Variants in EFR3B observed in about 807,000 individuals in gnomAD.
EFR3B encodes EFR3 homolog B, also known as protein EFR3 homolog B.
EFR3B carries 64 observed loss-of-function variants against 104.7 expected under a neutral mutation model. The ratio of observed to expected loss-of-function variants is 0.61; its 90% CI spans 0.50 to 0.75. The LOEUF is 0.75. Among genes scored for constraint, EFR3B ranks in the 30% least tolerant of loss-of-function variants. EFR3B has a pLI of 0.00. For missense variants in EFR3B, 750 were observed against 1,078.5 expected (o/e 0.70, Z 4.27); for synonymous variants, 385 against 417.9 (o/e 0.92, Z 0.96).
At position 25,152,012 on chromosome 2, in the gene EFR3B, G is replaced by A. The variant is rs1671024106; in HGVS notation, c.2290G>A (p.Gly764Arg). 3.2e-6 allele frequency: 5 copies of A among 1,551,622 alleles called. No homozygotes were observed. Among genetic ancestry groups the A allele is most frequent in the Admixed American group, 2.0e-5 (1 of 51,004 alleles). ...CTTCGAGGAGATTGCTGCACACTGC[G>A]GGGCCCGGGTAAGTGAAGCATGACA... ...APFEEIAAHC[G>R]ARASLLQSKL... The change falls in exon 21 of 23, where the codon GGG becomes AGG. Residue 764 changes from glycine to arginine, a missense_variant. Physicochemically the swap from Gly to Arg is moderately radical, Grantham distance 125. Transcript: ENST00000403714.
chr2:25,142,540 C>G (rs1462989914), intron 17 of EFR3B, among the ~76,000 whole-genome samples: 1 of 151,384 alleles, frequency 6.6e-6, no homozygotes, highest in African/African-American at 2.4e-5. Flanking sequence ...GGGCAGATCA[C>G]TTGAGATCAG....
At position 25,081,648 on chromosome 2, in the gene EFR3B, A is replaced by G. The variant is rs1668810425; in HGVS notation, c.8-9677A>G. ...TCCAGAGAAGGTGGCCCCGAAGGGT[A>G]GCTGCGGCCAACAGCTGGCTGTAGA... On this transcript the variant is annotated intron_variant, in intron 1 of 22. Coordinates refer to ENST00000403714, the MANE Select transcript of EFR3B (RefSeq NM_014971.2). The G allele has an allele frequency of 4.7e-6, 3 of 631,624 alleles. No individual in the cohort carries two copies. The Admixed American group carries it at 8.0e-5, about 17-fold the overall frequency. The allele number at this position is 631,624 out of a possible 1,614,324, so 39.1% of individuals were successfully genotyped here. A position where few individuals can be genotyped will look rare whatever the true frequency, so the allele number is the denominator to read the frequency against.
chr2:25,129,900 C>G, intron 6 of EFR3B, 75 bp from the exon 7 acceptor site: 1 of 1,506,466 alleles, frequency 6.6e-7, no homozygotes, highest in Non-Finnish European at 8.9e-7. Context: ...GGATGAAACA[C>G]GGAAAGCCGG....
intron 16 of EFR3B, among the ~76,000 whole-genome samples, chr2:25,140,552 C>T (rs1415997396): frequency 1.3e-5 from 2 of 152,116 alleles, no homozygotes; most frequent in African/African-American, 4.8e-5. Flanking sequence ...TCGACACACA[C>T]CTGTATGTTG....
intron 1 of EFR3B, among the ~76,000 whole-genome samples, chr2:25,078,053 C>T (rs1285319654): frequency 6.6e-6 from 1 of 152,186 alleles, no homozygotes; most frequent in Non-Finnish European, 1.5e-5. Flanking sequence ...ACTCCTTAGT[C>T]TCATTGTGAC....
chr2:25,123,728 C>T (rs1361131457), intron 5 of EFR3B, among the ~76,000 whole-genome samples: 2 of 152,242 alleles, frequency 1.3e-5, no homozygotes, highest in Admixed American at 6.5e-5. Flanking sequence ...ATGCTGCCCA[C>T]GCAGGCCCTG....
Position 25,131,660 on chromosome 2 carries a change from G to A in EFR3B, c.986-90G>A. The A allele has an allele frequency of 6.7e-7, 1 of 1,485,696 alleles. No individual in the cohort carries two copies. Among genetic ancestry groups the A allele is most frequent in the South Asian group, 1.4e-5 (1 of 73,666 alleles). The allele number at this position is 1,485,696 out of a possible 1,614,324, so 92.0% of individuals were successfully genotyped here. A position where few individuals can be genotyped will look rare whatever the true frequency, so the allele number is the denominator to read the frequency against. Reference sequence around the variant, plus strand: ...AGCGCAGAGGAAGCCCAGGCTGGAAGGGGGCGTGACCCTGCCCTGCCTGCG... The same window carrying A: ...AGCGCAGAGGAAGCCCAGGCTGGAAAGGGGCGTGACCCTGCCCTGCCTGCG... On this transcript the variant is annotated intron_variant, in intron 9 of 22. Coordinates refer to ENST00000403714, the MANE Select transcript of EFR3B (RefSeq NM_014971.2). This position sits in a 1 kb window ranked among gnomAD's most constrained non-coding sequence, Gnocchi z 7.6.
intron 1 of EFR3B, among the ~76,000 whole-genome samples, chr2:25,076,832 T>G (rs1271835834): frequency 6.6e-6 from 1 of 152,170 alleles, no homozygotes; most frequent in Non-Finnish European, 1.5e-5. Flanking sequence ...TCTCGGAAGC[T>G]CTAGAGCTCC....
At position 25,131,232 on chromosome 2, in the gene EFR3B, T is replaced by G. The variant is rs893881645; in HGVS notation, c.850-136T>G. 2.6e-6 allele frequency: 3 copies of G among 1,175,192 alleles called. No individual in the cohort carries two copies. In the African/African-American group the frequency reaches 4.6e-5, roughly 18 times the overall value. The allele number at this position is 1,175,192 out of a possible 1,614,324, so 72.8% of individuals were successfully genotyped here. ...AGGATCCAGTAAAGGGCACGAGGTG[T>G]CAGTGCCAACTGCAGTGCCCGGGGC... On this transcript the variant is annotated intron_variant, in intron 8 of 22. Transcript: ENST00000403714. The surrounding 1 kb of genome is among the most constrained non-coding windows in gnomAD (Gnocchi z 7.6).
At chr2:25,080,109 T>TGCC (rs768753846) in intron 1 of EFR3B, 13 of 999,390 alleles carry the variant, frequency 1.3e-5, no homozygotes, top group Non-Finnish European at 1.9e-5. Flanking sequence ...CATCTTTTAC[T>TGCC]GCCGTGACTA....
At chr2:25,145,169 G>T (rs72807689) in intron 19 of EFR3B, 118 bp downstream of exon 19, 39 of 882,766 alleles carry the variant, frequency 4.4e-5, no homozygotes, top group Admixed American at 6.3e-5. Flanking sequence ...AGTTTCTCGA[G>T]TAATTCCACA....
At chr2:25,126,611 C>T (rs746889298) in intron 5 of EFR3B, among the ~76,000 whole-genome samples, 24 of 152,036 alleles carry the variant, frequency 1.6e-4, no homozygotes, top group Non-Finnish European at 1.6e-4. Flanking sequence ...CCACCCACCT[C>T]GGCCTCCCAA....
intron 1 of EFR3B, among the ~76,000 whole-genome samples, chr2:25,088,418 C>G (rs1232315456): frequency 6.6e-6 from 1 of 152,082 alleles, no homozygotes; most frequent in African/African-American, 2.4e-5. Flanking sequence ...CTGTGATTCT[C>G]AACTCTTAGG....
chr2:25,067,949 G>A (rs1668383254), intron 1 of EFR3B, among the ~76,000 whole-genome samples: 1 of 152,178 alleles, frequency 6.6e-6, no homozygotes, highest in South Asian at 2.1e-4. Context: ...CAAAGTGCTG[G>A]GATTACAGGT....
At chr2:25,099,432 C>T (rs1055366864) in intron 3 of EFR3B, among the ~76,000 whole-genome samples, 1 of 151,880 alleles carries the variant, frequency 6.6e-6, no homozygotes, top group African/African-American at 2.4e-5. Flanking sequence ...ATAGAGCACA[C>T]CTTGATCCAT....
intron 1 of EFR3B, among the ~76,000 whole-genome samples, chr2:25,049,774 G>A (rs374490107): frequency 2.0e-5 from 3 of 151,960 alleles, no homozygotes; most frequent in Admixed American, 6.6e-5. Context: ...AGAGTCAGGG[G>A]GAGCTGCCTG....
Position 25,094,146 on chromosome 2 carries a change from G to A in EFR3B, c.212+1016G>A, listed in dbSNP as rs113877647. Among the ~76,000 whole-genome samples the A allele has an allele frequency of 5.7e-3, 865 of 151,906 alleles. 7 individuals are homozygous for A. The highest frequency in any genetic ancestry group is 0.014 in the Middle Eastern group (4 of 294). ...AAAAATAAACAAAAATAAGCTGGGC[G>A]TGGTGGTATGCACCTGTAGTCCCAG... On this transcript the variant is annotated intron_variant, in intron 3 of 22. Transcript: ENST00000403714.
intron 4 of EFR3B, among the ~76,000 whole-genome samples, chr2:25,113,407 C>T (rs554629195): frequency 6.6e-6 from 1 of 152,080 alleles, no homozygotes; most frequent in African/African-American, 2.4e-5. Flanking sequence ...GTGACCAGGC[C>T]GGGCGCGGGG....
rs1016277996 is a variant in EFR3B at position 25,136,140 on chromosome 2, A to AC, written c.1485-378dup. ...AGACCAGCCAGGGCAACATAGTGAG[A>AC]CCCCCATCTCTACAAGAAAATTTAA... On this transcript the variant is annotated intron_variant, in intron 13 of 22. Transcript: ENST00000403714. This position sits in a 1 kb window ranked among gnomAD's most constrained non-coding sequence, Gnocchi z 4.0. 1.4e-4 allele frequency among the ~76,000 whole-genome samples: 21 copies of AC among 151,872 alleles called. No individual in the cohort carries two copies. The highest frequency in any genetic ancestry group is 4.8e-4 in the African/African-American group (20 of 41,334).
Sources: allele counts gnomAD v4.1 joint callset (sites outside exome capture counted in the v4.1 genomes callset), GRCh38; gene constraint gnomAD v4.1.1; non-coding constraint Gnocchi (gnomAD v3.1); transcripts MANE v1.5; gene names NCBI Gene and HGNC (gene_info 2026-07-23, HGNC 2026-07-21).